Variants in CNTN4 observed in about 807,000 individuals in gnomAD.
CNTN4 encodes the protein contactin-4.
CNTN4 carries 77 observed loss-of-function variants against 122.5 expected under a neutral mutation model. The observed-to-expected ratio is 0.63, with a 90% CI of 0.52 to 0.76. CNTN4 has a LOEUF of 0.76. CNTN4 is among the 30% of genes least tolerant of loss of function. The pLI is 0.00. For synonymous variants in CNTN4, 512 were observed against 447.0 expected (o/e 1.15, Z -1.83); for missense variants, 1,256 against 1,259.1 (o/e 1.00, Z 0.04).
At chr3:3,041,094 C>A (rs95866) in intron 20 of CNTN4, 21,120 of 152,214 alleles carry the variant, frequency 0.14, 2,075 homozygotes, top group African/African-American at 0.28. Context: ...TCTTCGTTAC[C>A]TTTGGAGTTC....
chr3:2,787,293 T>C (rs7623001), intron 6 of CNTN4, among the ~76,000 whole-genome samples: 79,536 of 151,266 alleles, frequency 0.53, 20,893 homozygotes, highest in East Asian at 0.59. Context: ...GGAGAATCAC[T>C]TGAGTCCAGG....
Position 2,836,616 on chromosome 3 carries a change from T to C in CNTN4, c.454+17035T>C, listed in dbSNP as rs370791288. ...ATTCATGAAAAAACACTTTAGGACATGTATATAAAATGAGATAGAAGTTTT... is the reference window on the plus strand; with the variant it reads ...ATTCATGAAAAAACACTTTAGGACACGTATATAAAATGAGATAGAAGTTTT... On this transcript the variant is annotated intron_variant, in intron 7 of 24. Coordinates refer to ENST00000418658, the MANE Select transcript of CNTN4 (RefSeq NM_175607.3). 2.7e-4 allele frequency among the ~76,000 whole-genome samples: 41 copies of C among 152,158 alleles called. 1 individual carries two copies. The South Asian group carries it at 8.1e-3, about 30-fold the overall frequency.
intron 2 of CNTN4, among the ~76,000 whole-genome samples, chr3:2,108,789 C>T (rs899986272): frequency 1.3e-5 from 2 of 152,148 alleles, no homozygotes; most frequent in African/African-American, 2.4e-5. Context: ...CTAAAGCACA[C>T]GAGTTTTGTG....
chr3:2,418,923 G>A (rs2047515977), intron 3 of CNTN4, among the ~76,000 whole-genome samples: 1 of 152,106 alleles, frequency 6.6e-6, no homozygotes, highest in Non-Finnish European at 1.5e-5. Flanking sequence ...ACAACCCGTA[G>A]GATGAAAAAA....
At chr3:2,120,695 G>A (rs1478901341) in intron 2 of CNTN4, among the ~76,000 whole-genome samples, 6 of 151,662 alleles carry the variant, frequency 4.0e-5, no homozygotes, top group African/African-American at 1.5e-4. Flanking sequence ...GAGCTACTGC[G>A]CCTGGCTGAT....
intron 3 of CNTN4, among the ~76,000 whole-genome samples, chr3:2,484,976 C>G (rs888755939): frequency 6.6e-6 from 1 of 152,160 alleles, no homozygotes; most frequent in Non-Finnish European, 1.5e-5. Context: ...TCCAGGTGGC[C>G]GTGGGCTCGG....
intron 14 of CNTN4, chr3:3,008,959 A>G (rs1338992033): frequency 1.0e-6 from 1 of 985,208 alleles, no homozygotes; most frequent in Non-Finnish European, 1.2e-6. Flanking sequence ...CTTGGGCTGC[A>G]CGGCTTCAAA....
chr3:2,546,350 G>C (rs1422194208), intron 3 of CNTN4, among the ~76,000 whole-genome samples: 1 of 150,748 alleles, frequency 6.6e-6, no homozygotes. Flanking sequence ...ACAAGATAAT[G>C]TCCTTTGCAG....
At chr3:2,526,442 G>A (rs2077401197) in intron 3 of CNTN4, among the ~76,000 whole-genome samples, 1 of 151,976 alleles carries the variant, frequency 6.6e-6, no homozygotes, top group Non-Finnish European at 1.5e-5. Context: ...ATCTGTAATT[G>A]CTAAAAATCA....
At chr3:2,338,767 C>T (rs1352729021) in intron 2 of CNTN4, among the ~76,000 whole-genome samples, 1 of 152,020 alleles carries the variant, frequency 6.6e-6, no homozygotes, top group African/African-American at 2.4e-5. Context: ...TTTATGTATT[C>T]ATATACCTAA....
At chr3:2,275,919 C>CAA (rs767326367) in intron 2 of CNTN4, among the ~76,000 whole-genome samples, 100 of 107,000 alleles carry the variant, frequency 9.3e-4, no homozygotes, top group African/African-American at 2.4e-3. Flanking sequence ...GACTCTGTCT[C>CAA]AAAAAAAAAA....
In CNTN4 at chr3:2,491,530, GAGA is replaced by G. The variant is rs925529742; in HGVS notation, c.-88-79880_-88-79878del. On this transcript the variant is annotated intron_variant, in intron 3 of 24. Coordinates refer to ENST00000418658, the MANE Select transcript of CNTN4 (RefSeq NM_175607.3). The stretch of plus-strand genomic sequence containing the variant: ...TGTAAGCACTTTCACAAGAAACTAG[GAGA>G]AGAAGTATTGTTGCATAATAAGAGA... 7.2e-5 allele frequency among the ~76,000 whole-genome samples: 11 copies of G among 152,240 alleles called. No homozygotes were observed. In the East Asian group the frequency reaches 7.7e-4, roughly 11 times the overall value.
chr3:2,104,424 A>G (rs1042077430), intron 2 of CNTN4, among the ~76,000 whole-genome samples: 6 of 152,130 alleles, frequency 3.9e-5, no homozygotes, highest in African/African-American at 1.4e-4. Flanking sequence ...CTTCTTGCTC[A>G]TGTGTGGTAG....
chr3:2,385,743 A>G lies in CNTN4; in HGVS notation c.-89+46510A>G, dbSNP rs763803610. On this transcript the variant is annotated intron_variant, in intron 3 of 24. Coordinates refer to ENST00000418658, the MANE Select transcript of CNTN4 (RefSeq NM_175607.3). The surrounding 1 kb of genome is among the most constrained non-coding windows in gnomAD (Gnocchi z 4.0). Reference sequence around the variant, plus strand: ...TTTTTTCCTCTTCTCATAAGGACATAAGTCTTATTGGATATGACCTATCCT... The same window carrying G: ...TTTTTTCCTCTTCTCATAAGGACATGAGTCTTATTGGATATGACCTATCCT... Among the ~76,000 whole-genome samples the G allele has an allele frequency of 2.0e-5, 3 of 152,040 alleles. No homozygotes were observed. Among genetic ancestry groups the G allele is most frequent in the African/African-American group, 7.2e-5 (3 of 41,434 alleles).
intron 6 of CNTN4, among the ~76,000 whole-genome samples, chr3:2,776,926 T>C (rs1460115930): frequency 6.6e-6 from 1 of 152,146 alleles, no homozygotes; most frequent in Admixed American, 6.6e-5. Context: ...TAAAATACAT[T>C]GAAAATCCCT....
At chr3:2,292,493 T>G (rs2042169349) in intron 2 of CNTN4, among the ~76,000 whole-genome samples, 1 of 152,162 alleles carries the variant, frequency 6.6e-6, no homozygotes, top group Non-Finnish European at 1.5e-5. Context: ...GTTAACTTTT[T>G]GACAGCCATT....
intron 2 of CNTN4, among the ~76,000 whole-genome samples, chr3:2,170,796 G>A (rs1295360550): frequency 6.6e-6 from 1 of 152,052 alleles, no homozygotes; most frequent in Admixed American, 6.6e-5. Flanking sequence ...TGCAGATGTA[G>A]ATGGATCAAT....
At chr3:2,411,590 A>G (rs536121003) in intron 3 of CNTN4, among the ~76,000 whole-genome samples, 18 of 152,224 alleles carry the variant, frequency 1.2e-4, no homozygotes, top group African/African-American at 3.4e-4. Flanking sequence ...TGGAATTCCA[A>G]AATTCCCAGT....
At chr3:2,139,807 T>C (rs952010078) in intron 2 of CNTN4, among the ~76,000 whole-genome samples, 4 of 152,214 alleles carry the variant, frequency 2.6e-5, no homozygotes, top group Non-Finnish European at 4.4e-5. Flanking sequence ...TTCTGATGTG[T>C]TTTGTTGTCT....
Sources: allele counts gnomAD v4.1 joint callset (sites outside exome capture counted in the v4.1 genomes callset), GRCh38; gene constraint gnomAD v4.1.1; non-coding constraint Gnocchi (gnomAD v3.1); transcripts MANE v1.5; gene names NCBI Gene and HGNC (gene_info 2026-07-23, HGNC 2026-07-21).